NOS2: variants seen among roughly 807,000 people sequenced by gnomAD.
NOS2 encodes the protein nitric oxide synthase 2, also known as nitric oxide synthase, inducible.
In NOS2, 96 loss-of-function variants were observed where a neutral mutation model predicts 136.0. That is an observed-to-expected ratio of 0.71 (90% confidence interval 0.60 to 0.84). The LOEUF (loss-of-function observed/expected upper bound fraction) is 0.84, where lower values mean the gene tolerates loss of function less well. NOS2 is among the 40% of genes least tolerant of loss of function. The pLI is 0.00. For missense variants in NOS2, 1,237 were observed against 1,496.9 expected (o/e 0.83, Z 2.87); for synonymous variants, 539 against 587.5 (o/e 0.92, Z 1.20).
intron 5 of NOS2, 111 bp from the exon 6 acceptor site, chr17:27,783,217 C>G (rs1908909040): frequency 1.6e-6 from 2 of 1,213,820 alleles, no homozygotes; most frequent in Non-Finnish European, 2.4e-6. Context: ...GGCAAGATGC[C>G]TCTCACCAGA....
At position 27,780,908 on chromosome 17, in the gene NOS2, T is replaced by C. The variant is rs201110646; in HGVS notation, c.865-2A>G. 6.2e-6 allele frequency: 10 copies of C among 1,611,690 alleles called. No individual in the cohort carries two copies. Among genetic ancestry groups the C allele is most frequent in the Non-Finnish European group, 8.5e-6 (10 of 1,178,890 alleles). Reference sequence around the variant, plus strand: ...CTTCCAGCCCAGGTCGATGCACAGCTGGGGAACAAGACGGGCCCTGTGAGT... The same window carrying C: ...CTTCCAGCCCAGGTCGATGCACAGCCGGGGAACAAGACGGGCCCTGTGAGT... On this transcript the variant is annotated splice_acceptor_variant, in intron 8 of 26. Transcript: ENST00000313735. LOFTEE classifies it high-confidence loss of function.
chr17:27,769,705 T>C (rs1908428894), intron 15 of NOS2, 121 bp from the exon 16 acceptor site: 1 of 847,712 alleles, frequency 1.2e-6, no homozygotes, highest in Non-Finnish European at 2.0e-6. Flanking sequence ...CCACGGAAGT[T>C]GGTTTACATA....
In NOS2 at chr17:27,783,086, A is replaced by G; in HGVS notation, c.488T>C (p.Leu163Pro). The change falls in exon 6 of 27, where the codon CTG becomes CCG. Residue 163 changes from leucine (L) to proline (P), a missense_variant. This residue lies in a region of NOS2 where 440 missense variants were observed against 545.4 expected (regional missense o/e 0.81). Transcript: ENST00000313735. ...CTTTGTTACCGCTTCCACCCTGGCC[A>G]GATGTTCCTCTATTTTTGCCCTGGG... ...SFKEAKIEEH[L>P]ARVEAVTKEI... 2 of 1,614,156 alleles carry G rather than the reference A, an allele frequency of 1.2e-6. No homozygotes were observed. Among genetic ancestry groups the G allele is most frequent in the Non-Finnish European group, 1.7e-6 (2 of 1,180,024 alleles).
Position 27,767,843 on chromosome 17 carries a change from A to G in NOS2, c.2035-6T>C, listed in dbSNP as rs1367063360. 6.2e-7 allele frequency: 1 copy of G among 1,611,162 alleles called. No individual in the cohort carries two copies. The highest frequency in any genetic ancestry group is 8.5e-7 in the Non-Finnish European group (1 of 1,179,824). The stretch of plus-strand genomic sequence containing the variant: ...TCAAACGTCTCACAGGCTGCCTGGA[A>G]GAAGGTGGAGCAGACTGCGGTTAAT... On this transcript the variant is annotated splice_polypyrimidine_tract_variant and splice_region_variant and intron_variant, in intron 17 of 26. Transcript: ENST00000313735.
intron 6 of NOS2, among the ~76,000 whole-genome samples, 164 bp downstream of exon 6, chr17:27,782,780 G>A (rs867764039): frequency 6.6e-6 from 1 of 152,170 alleles, no homozygotes; most frequent in Non-Finnish European, 1.5e-5. Flanking sequence ...TCTAGAGAGG[G>A]ACCCTAGGTG....
chr17:27,766,801 C>T (rs28944171), intron 18 of NOS2, among the ~76,000 whole-genome samples: 79 of 152,118 alleles, frequency 5.2e-4, no homozygotes, highest in Non-Finnish European at 1.0e-3. Context: ...AATCCCAGCA[C>T]TTTTGGAGGC....
At position 27,765,607 on chromosome 17, in the gene NOS2, C is replaced by A. The variant is rs1410779384; in HGVS notation, c.2356G>T (p.Gly786Cys). The change falls in exon 20 of 27, where the codon GGT (glycine) becomes TGT (cysteine). Residue 786 changes from glycine (G) to cysteine (C), a missense_variant. By Grantham distance (159) the Gly-to-Cys change is radical. This residue lies in a region of NOS2 where 782 missense variants were observed against 909.9 expected (regional missense o/e 0.86). Coordinates refer to ENST00000313735, the MANE Select transcript of NOS2 (RefSeq NM_000625.4). ...CPGNQPALVQGILERVVDGPT... is the reference protein window; with the variant it reads ...CPGNQPALVQCILERVVDGPT... ...CCATCCACCACTCGCTCCAGGATAC[C>A]TTGGACCAGGGCCGGCTGGTTGCCT... The A allele has an allele frequency of 6.2e-7, 1 of 1,612,836 alleles. No individual in the cohort carries two copies. The highest frequency in any genetic ancestry group is 1.3e-5 in the African/African-American group (1 of 74,926).
At chr17:27,776,451 T>A (rs1191882777) in intron 11 of NOS2, among the ~76,000 whole-genome samples, 3 of 151,954 alleles carry the variant, frequency 2.0e-5, no homozygotes, top group Non-Finnish European at 2.9e-5. Flanking sequence ...GACAGGTGGA[T>A]CACTTGAGGC....
At chr17:27,768,350 C>G (rs1161441402) in intron 17 of NOS2, among the ~76,000 whole-genome samples, 1 of 152,164 alleles carries the variant, frequency 6.6e-6, no homozygotes, top group Admixed American at 6.5e-5. Context: ...TGTGCCCGAC[C>G]ACTATGAATG....
At chr17:27,793,422 C>T (rs981242356) in intron 2 of NOS2, among the ~76,000 whole-genome samples, 2 of 152,188 alleles carry the variant, frequency 1.3e-5, no homozygotes, top group African/African-American at 4.8e-5. Flanking sequence ...TCCTGAATTG[C>T]GACCTCTCAA....
In NOS2 at chr17:27,782,109, G is replaced by C; in HGVS notation, c.631-3C>G. The C allele has an allele frequency of 6.2e-7, 1 of 1,613,654 alleles. No individual in the cohort carries two copies. The highest frequency in any genetic ancestry group is 8.5e-7 in the Non-Finnish European group (1 of 1,179,826). On this transcript the variant is annotated splice_region_variant and splice_polypyrimidine_tract_variant and intron_variant, in intron 6 of 26. Transcript: ENST00000313735. Reference sequence around the variant, plus strand: ...GAACAGCTGCGGGCATCGAAGACCTGCAACAGCCCATCCAGACCATGCCCA... The same window carrying C: ...GAACAGCTGCGGGCATCGAAGACCTCCAACAGCCCATCCAGACCATGCCCA...
intron 5 of NOS2, among the ~76,000 whole-genome samples, chr17:27,785,583 G>T (rs555683917): frequency 6.6e-6 from 1 of 152,244 alleles, no homozygotes; most frequent in South Asian, 2.1e-4. Context: ...AGCCAGGGTT[G>T]AGGACCACCG....
At chr17:27,769,255 C>T in intron 16 of NOS2, 104 bp from the exon 17 acceptor site, 1 of 1,184,382 alleles carries the variant, frequency 8.4e-7, no homozygotes, top group South Asian at 1.5e-5. Flanking sequence ...CTCTCCCCCT[C>T]CAGCTGGAGA....
intron 25 of NOS2, among the ~76,000 whole-genome samples, 168 bp downstream of exon 25, chr17:27,759,862 T>C (rs1908056883): frequency 6.6e-6 from 1 of 152,146 alleles, no homozygotes; most frequent in Non-Finnish European, 1.5e-5. Flanking sequence ...GCTTCTGCTG[T>C]ATGAGAGGGT....
In NOS2 at chr17:27,765,594, C is replaced by T. The variant is rs746136023; in HGVS notation, c.2369G>A (p.Arg790Gln). 5 of 1,612,438 alleles carry T rather than the reference C, an allele frequency of 3.1e-6. No individual in the cohort carries two copies. Among genetic ancestry groups the T allele is most frequent in the African/African-American group, 1.3e-5 (1 of 74,924 alleles). The change falls in exon 20 of 27, where the codon CGA (arginine) becomes CAA (glutamine). Residue 790 changes from arginine (R) to glutamine (Q), a missense_variant. Transcript: ENST00000313735. ...GTGGGGTGTGGGGCCATCCACCACT[C>T]GCTCCAGGATACCTTGGACCAGGGC... ...QPALVQGILE[R>Q]VVDGPTPHQT...
intron 26 of NOS2, among the ~76,000 whole-genome samples, chr17:27,758,477 T>C (rs1476403532): frequency 6.6e-6 from 1 of 152,070 alleles, no homozygotes; most frequent in African/African-American, 2.4e-5. Flanking sequence ...GGGATGAGGG[T>C]GAGCAGACAC....
intron 11 of NOS2, among the ~76,000 whole-genome samples, chr17:27,777,505 G>T (rs1489218013): frequency 6.6e-6 from 1 of 152,166 alleles, no homozygotes; most frequent in Admixed American, 6.5e-5. Context: ...CAGCAAGCAA[G>T]AGCAGCCACA....
intron 5 of NOS2, among the ~76,000 whole-genome samples, chr17:27,784,609 T>G (rs1352671728): frequency 6.6e-6 from 1 of 152,220 alleles, no homozygotes; most frequent in Non-Finnish European, 1.5e-5. Context: ...GAGTTTTAGA[T>G]GTGATAGCCA....
chr17:27,765,363 C>G (rs1035223064), intron 20 of NOS2, among the ~76,000 whole-genome samples, 172 bp downstream of exon 20: 1 of 152,230 alleles, frequency 6.6e-6, no homozygotes, highest in East Asian at 1.9e-4. Flanking sequence ...GGGGGCCATG[C>G]CTTATGGGCT....
Sources: gnomAD v4.1 joint callset for allele counts (sites outside exome capture counted in the v4.1 genomes callset) on GRCh38, gnomAD v4.1.1 for gene constraint, gnomAD v4.1.1 regional missense constraint, MANE v1.5 for transcripts, NCBI Gene and HGNC (gene_info 2026-07-23, HGNC 2026-07-21) for gene names.